Variants in SYTL5 observed in about 807,000 individuals in gnomAD.
SYTL5 encodes synaptotagmin-like protein 5.
A neutral mutation model predicts 55.9 loss-of-function variants in SYTL5; 34 were observed. That is an observed-to-expected ratio of 0.61 (90% CI 0.46 to 0.81). The LOEUF (loss-of-function observed/expected upper bound fraction) is 0.81. Ranked by LOEUF, SYTL5 falls within the 30% of genes least tolerant of loss-of-function variation. The pLI is 0.00. For missense variants in SYTL5, 637 were observed against 546.7 expected (o/e 1.17, Z -1.65); for synonymous variants, 221 against 188.7 (o/e 1.17, Z -1.40).
intron 15 of SYTL5, 31 bp from the exon 16 acceptor site, chrX:38,125,267 A>G: frequency 8.6e-7 from 1 of 1,165,789 alleles, no homozygotes; most frequent in Non-Finnish European, 1.2e-6. Flanking sequence ...CTGCTGTCTT[A>G]TTGATGATTT....
the SYTL5 span, among the ~76,000 whole-genome samples, chrX:37,892,961 C>A: frequency 0.5 from 1 of 2 alleles, no homozygotes; most frequent in Non-Finnish European, 0.5. Context: ...ACATACCACA[C>A]TCTATACTAT....
rs780376014 is a variant in SYTL5, at chrX:38,040,537, G to A, written c.119+6529G>A. On this transcript the variant is annotated intron_variant, in intron 2 of 16. Transcript: ENST00000297875. ...ACTATCTATGTCCAGGAGTTCAATTGATTTGATTTTTAAATCCCACAAATA... is the reference window on the plus strand; with the variant it reads ...ACTATCTATGTCCAGGAGTTCAATTAATTTGATTTTTAAATCCCACAAATA... Among the ~76,000 whole-genome samples the A allele has an allele frequency of 6.7e-5, 7 of 104,635 alleles. No homozygotes were observed. In the Admixed American group the frequency reaches 7.4e-4, roughly 11 times the overall value. 90.9% of individuals were successfully genotyped at this position (104,635 alleles called of 115,157 possible).
At chrX:38,033,299 A>G (rs1461686754) in intron 1 of SYTL5, among the ~76,000 whole-genome samples, 1 of 112,050 alleles carries the variant, frequency 8.9e-6, no homozygotes, top group Non-Finnish European at 1.9e-5. Context: ...GAAGCTAATT[A>G]TAATGGAGAA....
At chrX:38,096,089 A>G (rs1410290765) in intron 8 of SYTL5, 45 bp from the exon 9 acceptor site, 3 of 747,317 alleles carry the variant, frequency 4.0e-6, no homozygotes, top group East Asian at 3.3e-5. Context: ...ATCTTCTCAC[A>G]AAACAGGCTG....
intron 1 of SYTL5, among the ~76,000 whole-genome samples, chrX:38,015,735 C>T (rs1247996986): frequency 9.1e-6 from 1 of 109,515 alleles, no homozygotes; most frequent in East Asian, 2.8e-4. Context: ...ATTCACAGTG[C>T]GTTTAGCCAT....
the SYTL5 span, among the ~76,000 whole-genome samples, chrX:37,985,953 C>T: frequency 1.8e-5 from 2 of 110,494 alleles, no homozygotes; most frequent in Non-Finnish European, 3.8e-5. Context: ...AACTGCATAG[C>T]CACATGCAAA....
the SYTL5 span, among the ~76,000 whole-genome samples, chrX:37,954,018 G>A: frequency 9.0e-6 from 1 of 111,302 alleles, no homozygotes; most frequent in African/African-American, 3.3e-5. Flanking sequence ...ATGCTTGTTG[G>A]AACAAGATCA....
chrX:37,911,177 G>T, the SYTL5 span, among the ~76,000 whole-genome samples: 2 of 109,356 alleles, frequency 1.8e-5, no homozygotes, highest in Non-Finnish European at 1.9e-5. Context: ...TCAGTATGTT[G>T]GCCAGGCTGG....
chrX:37,958,410 C>A, the SYTL5 span, among the ~76,000 whole-genome samples: 1 of 109,475 alleles, frequency 9.1e-6, no homozygotes, highest in Admixed American at 9.7e-5. Flanking sequence ...TCTCATAGAG[C>A]CTCCAGTACC....
the SYTL5 span, chrX:37,994,919 A>T: frequency 9.0e-6 from 1 of 110,917 alleles, no homozygotes; most frequent in Non-Finnish European, 1.9e-5. Context: ...AGTGCTCCTG[A>T]CTCGTCTCCG....
intron 3 of SYTL5, 149 bp downstream of exon 3, chrX:38,054,571 G>T (rs945589900): frequency 4.4e-6 from 2 of 458,131 alleles, no homozygotes; most frequent in African/African-American, 2.5e-5. Context: ...CAATGCCTTG[G>T]CAGGGCTCTG....
At chrX:37,968,104 G>A in the SYTL5 span, among the ~76,000 whole-genome samples, 3 of 110,007 alleles carry the variant, frequency 2.7e-5, no homozygotes, top group African/African-American at 9.9e-5. Flanking sequence ...TGATTTCTAT[G>A]TAAGGTAAAT....
At chrX:37,953,247 A>G in the SYTL5 span, among the ~76,000 whole-genome samples, 1 of 111,798 alleles carries the variant, frequency 8.9e-6, no homozygotes, top group African/African-American at 3.2e-5. Context: ...GTTATCATTC[A>G]TAGTTTAAAG....
Position 38,097,384 on chromosome X carries a change from C to T in SYTL5, c.1062+1150C>T, listed in dbSNP as rs754133066. Among the ~76,000 whole-genome samples, 5 of 109,862 alleles carry T rather than the reference C, an allele frequency of 4.6e-5. No individual in the cohort carries two copies. In the South Asian group the frequency reaches 1.5e-3, roughly 33 times the overall value. ...GGTTGCAGGAGATAAGATCAATATA[C>T]AAAAATCAACTGTATTTATATATAC... On this transcript the variant is annotated intron_variant, in intron 9 of 16. Transcript: ENST00000297875.
chrX:37,986,050 A>C, the SYTL5 span, among the ~76,000 whole-genome samples: 1 of 111,988 alleles, frequency 8.9e-6, no homozygotes, highest in Non-Finnish European at 1.9e-5. Flanking sequence ...TTAAAACCAT[A>C]AAACTTTTGG....
the SYTL5 span, among the ~76,000 whole-genome samples, chrX:37,964,816 T>C: frequency 0.36 from 39,565 of 109,630 alleles, 5,199 homozygotes; most frequent in East Asian, 0.6. Flanking sequence ...CATGATCCAG[T>C]TTTGGTAATT....
intron 3 of SYTL5, among the ~76,000 whole-genome samples, chrX:38,058,737 G>A (rs1294336839): frequency 9.1e-5 from 10 of 110,009 alleles, no homozygotes; most frequent in East Asian, 2.8e-4. Flanking sequence ...CCTTTTTGTC[G>A]TGTTTTCAAC....
intron 15 of SYTL5, among the ~76,000 whole-genome samples, chrX:38,123,418 C>A (rs1463881112): frequency 8.9e-6 from 1 of 112,028 alleles, no homozygotes; most frequent in Non-Finnish European, 1.9e-5. Context: ...CATGAGCCAC[C>A]GTGCCTGGCC....
upstream of SYTL5, among the ~76,000 whole-genome samples, chrX:38,004,217 G>A (rs190624157): frequency 6.3e-3 from 701 of 111,702 alleles, 6 homozygotes; most frequent in Non-Finnish European, 9.3e-3. Flanking sequence ...GTCACTGTTT[G>A]TTTTGGTTGC....
Sources: gnomAD v4.1 joint callset for allele counts (sites outside exome capture counted in the v4.1 genomes callset) on GRCh38, gnomAD v4.1.1 for gene constraint, MANE v1.5 for transcripts, NCBI Gene and HGNC (gene_info 2026-07-23, HGNC 2026-07-21) for gene names.